REEP5: variants seen among roughly 807,000 people sequenced by gnomAD.
REEP5 encodes the protein receptor expression-enhancing protein 5.
REEP5 carries 24 observed loss-of-function variants against 22.4 expected under a neutral mutation model. That is an observed-to-expected ratio of 1.07 (90% confidence interval 0.78 to 1.51). The LOEUF is 1.51. Among genes scored for constraint, REEP5 ranks in the 40% most tolerant of loss-of-function variants. The probability of loss-of-function intolerance (pLI) is 0.00; values close to 1 mark genes in which losing one functional copy is unlikely to be tolerated. For synonymous variants in REEP5, 103 were observed against 88.6 expected (o/e 1.16, Z -0.92); for missense variants, 252 against 233.0 (o/e 1.08, Z -0.53).
At chr5:112,921,100 G>A in intron 2 of REEP5, 63 bp downstream of exon 2, 2 of 1,509,738 alleles carry the variant, frequency 1.3e-6, no homozygotes, top group Non-Finnish European at 9.1e-7. Context: ...GCAGTCTACT[G>A]CAGCAGCCCT....
intron 2 of REEP5, among the ~76,000 whole-genome samples, chr5:112,909,060 T>C (rs141484774): frequency 2.4e-3 from 362 of 151,880 alleles, no homozygotes; most frequent in Non-Finnish European, 3.9e-3. Context: ...AAGTTACTGA[T>C]TACACTGAAC....
chr5:112,901,105 C>A (rs1364642442), intron 3 of REEP5, among the ~76,000 whole-genome samples: 2 of 152,068 alleles, frequency 1.3e-5, no homozygotes, highest in Non-Finnish European at 2.9e-5. Flanking sequence ...TCCCAAAGTG[C>A]TAGAATTGCA....
intron 2 of REEP5, among the ~76,000 whole-genome samples, chr5:112,920,379 A>G (rs1561661973): frequency 6.6e-6 from 1 of 152,230 alleles, no homozygotes; most frequent in African/African-American, 2.4e-5. Flanking sequence ...GAATGAAGGT[A>G]AAAACCACTG....
rs1406317079 is a variant in REEP5, at chr5:112,921,926, AG to A, written c.118+146del. On this transcript the variant is annotated intron_variant, in intron 1 of 4. Coordinates refer to ENST00000379638, the MANE Select transcript of REEP5 (RefSeq NM_005669.5). ...TCCTCCGATGCCCACGCTTTCCGGGAGGCCAGCCTGATCCCTGAATATGCTG... is the reference window on the plus strand; with the variant it reads ...TCCTCCGATGCCCACGCTTTCCGGGAGCCAGCCTGATCCCTGAATATGCTG... 2.9e-6 allele frequency: 3 copies of A among 1,018,270 alleles called. No homozygotes were observed. In the African/African-American group the frequency reaches 5.1e-5, roughly 17 times the overall value. 63.1% of individuals were successfully genotyped at this position (1,018,270 alleles called of 1,614,324 possible).
intron 2 of REEP5, among the ~76,000 whole-genome samples, chr5:112,912,461 A>G (rs1382660812): frequency 6.6e-6 from 1 of 152,150 alleles, no homozygotes; most frequent in Admixed American, 6.6e-5. Flanking sequence ...ATTTATACCC[A>G]TATATATTTT....
intron 3 of REEP5, chr5:112,892,309 T>C (rs1391468251): frequency 6.2e-7 from 1 of 1,614,110 alleles, no homozygotes; most frequent in South Asian, 1.1e-5. Flanking sequence ...GAGGGATGAC[T>C]ATGACCCTGA....
At chr5:112,884,262 C>G (rs1431017689) in intron 4 of REEP5, among the ~76,000 whole-genome samples, 1 of 152,192 alleles carries the variant, frequency 6.6e-6, no homozygotes, top group Non-Finnish European at 1.5e-5. Context: ...TTCGCAACTT[C>G]TTCCACCTCA....
rs1767950546 is a variant in REEP5 at position 112,878,006 on chromosome 5, TGTG to T, written c.*777_*779del. 1 of 148,886 alleles carries T rather than the reference TGTG, an allele frequency of 6.7e-6. No individual in the cohort carries two copies. Among genetic ancestry groups the T allele is most frequent in the Admixed American group, 6.9e-5 (1 of 14,570 alleles). The allele number at this position is 148,886 out of a possible 1,614,324, so 9.2% of individuals were successfully genotyped here. A position where few individuals can be genotyped will look rare whatever the true frequency, so the allele number is the denominator to read the frequency against. Reference sequence around the variant, plus strand: ...CTGTGTGTGTGTGTGTGTGTGTGTGTGTGTGTGTGTGTGTGTAAATTTCCCGAT... The same window carrying T: ...CTGTGTGTGTGTGTGTGTGTGTGTGTTGTGTGTGTGTGTAAATTTCCCGAT... On this transcript the variant is annotated 3_prime_UTR_variant, in exon 5 of 5. Coordinates refer to ENST00000379638, the MANE Select transcript of REEP5 (RefSeq NM_005669.5).
At chr5:112,885,043 A>T (rs1768199901) in intron 4 of REEP5, 1 of 152,464 alleles carries the variant, frequency 6.6e-6, no homozygotes, top group Non-Finnish European at 1.5e-5. Flanking sequence ...ACAAAAACTG[A>T]ACAGCATACT....
At chr5:112,899,260 C>T (rs153550) in intron 3 of REEP5, among the ~76,000 whole-genome samples, 63,296 of 148,424 alleles carry the variant, frequency 0.43, 14,351 homozygotes, top group African/African-American at 0.61. Flanking sequence ...TTTTGGTTTT[C>T]GGTTTTTTTT....
rs574559490 is a variant in REEP5, at chr5:112,898,761, G to A, written c.351+3619C>T. Among the ~76,000 whole-genome samples the A allele has an allele frequency of 3.3e-5, 5 of 152,264 alleles. No individual in the cohort carries two copies. In the South Asian group the frequency reaches 1.0e-3, roughly 32 times the overall value. ...TAAAATTATCTGAAGTTTAAATTATGTCATGTCCAAATTAAAGATTGTAAG... is the reference window on the plus strand; with the variant it reads ...TAAAATTATCTGAAGTTTAAATTATATCATGTCCAAATTAAAGATTGTAAG... On this transcript the variant is annotated intron_variant, in intron 3 of 4. Transcript: ENST00000379638.
intron 1 of REEP5, chr5:112,921,786 G>C (rs1408056733): frequency 3.3e-6 from 1 of 299,248 alleles, no homozygotes. Context: ...AGCAGGAATA[G>C]GGCGCCGGGC....
At chr5:112,920,154 A>G (rs1466657393) in intron 2 of REEP5, among the ~76,000 whole-genome samples, 1 of 152,256 alleles carries the variant, frequency 6.6e-6, no homozygotes, top group Non-Finnish European at 1.5e-5. Flanking sequence ...GGACTAACAC[A>G]GTAACAACTA....
chr5:112,884,581 G>C (rs746157520), intron 4 of REEP5, among the ~76,000 whole-genome samples: 1 of 151,800 alleles, frequency 6.6e-6, no homozygotes, highest in African/African-American at 2.4e-5. Context: ...CTCCATAGGA[G>C]ACCCTGTCAC....
chr5:112,879,625 C>T (rs1278551777), intron 4 of REEP5, among the ~76,000 whole-genome samples: 1 of 152,102 alleles, frequency 6.6e-6, no homozygotes, highest in East Asian at 1.9e-4. Context: ...ATGCACTCAC[C>T]ACCACGCCCA....
intron 2 of REEP5, among the ~76,000 whole-genome samples, chr5:112,914,051 A>T (rs1769178569): frequency 6.7e-6 from 1 of 150,180 alleles, no homozygotes; most frequent in South Asian, 2.2e-4. Context: ...CTGAAGTGGG[A>T]GAATCACCTG....
In REEP5 at chr5:112,877,702, A is replaced by T. The variant is rs1767940310; in HGVS notation, c.*1084T>A. On this transcript the variant is annotated 3_prime_UTR_variant, in exon 5 of 5. Transcript: ENST00000379638. Reference sequence around the variant, plus strand: ...TTATACTTCCTTTCATTCTCCCAGAATTGCTCTTAGAGCTAGGTGTCGTCA... The same window carrying T: ...TTATACTTCCTTTCATTCTCCCAGATTTGCTCTTAGAGCTAGGTGTCGTCA... The T allele has an allele frequency of 6.6e-6, 1 of 152,170 alleles. No individual in the cohort carries two copies. The highest frequency in any genetic ancestry group is 1.5e-5 in the Non-Finnish European group (1 of 68,030). 9.4% of individuals were successfully genotyped at this position (152,170 alleles called of 1,614,324 possible).
chr5:112,894,368 GCCT>G (rs1768613107), intron 3 of REEP5: 1 of 152,154 alleles, frequency 6.6e-6, no homozygotes, highest in Non-Finnish European at 1.5e-5. Context: ...GCCCACCTTG[GCCT>G]CCTAATGTGC....
chr5:112,915,366 A>G (rs1769208908), intron 2 of REEP5, among the ~76,000 whole-genome samples: 1 of 152,234 alleles, frequency 6.6e-6, no homozygotes. Context: ...TCTTTATGAC[A>G]CAGGCAAGCG....
Sources: allele counts gnomAD v4.1 joint callset (sites outside exome capture counted in the v4.1 genomes callset), GRCh38; gene constraint gnomAD v4.1.1; transcripts MANE v1.5; gene names NCBI Gene and HGNC (gene_info 2026-07-23, HGNC 2026-07-21).